WDPCP: variants seen among roughly 807,000 people sequenced by gnomAD.
WDPCP encodes the protein WD repeat-containing and planar cell polarity effector protein fritz homolog.
In WDPCP, 71 loss-of-function variants were observed where a neutral mutation model predicts 93.1. The observed-to-expected ratio is 0.76, with a 90% confidence interval of 0.63 to 0.93. The LOEUF is 0.93. Among genes scored for constraint, WDPCP ranks in the 40% least tolerant of loss-of-function variants. The pLI, the probability that WDPCP is intolerant of heterozygous loss-of-function variation, is 0.00. For missense variants in WDPCP, 844 were observed against 887.4 expected (o/e 0.95, Z 0.62); for synonymous variants, 315 against 315.0 (o/e 1.00, Z 0.00).
rs372858664 is a variant in WDPCP at position 63,311,193 on chromosome 2, T to C, written c.1812+2055A>G. Among the ~76,000 whole-genome samples the C allele has an allele frequency of 7.2e-5, 11 of 152,334 alleles. No individual in the cohort carries two copies. In the East Asian group the frequency reaches 1.9e-3, roughly 27 times the overall value. On this transcript the variant is annotated intron_variant, in intron 13 of 17. Coordinates refer to ENST00000272321, the MANE Select transcript of WDPCP (RefSeq NM_015910.7). ...TGATCCCATTGTGATTCATATGTTA[T>C]TATTTTTAGTCTTTTAGCAAGAGAT...
intron 1 of WDPCP, among the ~76,000 whole-genome samples, chr2:63,545,285 T>C (rs185556416): frequency 2.0e-5 from 3 of 148,204 alleles, no homozygotes; most frequent in Admixed American, 2.0e-4. Context: ...AGTGTGTGAG[T>C]AGAATGTGTG....
the WDPCP span, among the ~76,000 whole-genome samples, chr2:63,836,482 C>T: frequency 6.6e-6 from 1 of 152,200 alleles, no homozygotes; most frequent in African/African-American, 2.4e-5. Context: ...TATATCACTA[C>T]AGTAAATCAA....
the WDPCP span, among the ~76,000 whole-genome samples, chr2:63,833,486 G>A: frequency 6.6e-6 from 1 of 152,056 alleles, no homozygotes; most frequent in African/African-American, 2.4e-5. Flanking sequence ...ACCAATATGC[G>A]AAAACAGAAA....
intron 3 of WDPCP, among the ~76,000 whole-genome samples, chr2:63,623,912 A>G (rs924781717): frequency 1.3e-5 from 2 of 152,240 alleles, no homozygotes; most frequent in Non-Finnish European, 2.9e-5. Context: ...CACTTATTCT[A>G]AAACTGACCA....
chr2:63,202,979 G>A (rs1158379169), intron 14 of WDPCP, among the ~76,000 whole-genome samples: 7 of 151,842 alleles, frequency 4.6e-5, no homozygotes, highest in Admixed American at 2.0e-4. Context: ...TCTTTATATC[G>A]GGCCTCAAAT....
intron 1 of WDPCP, among the ~76,000 whole-genome samples, chr2:63,574,632 C>T (rs1707785760): frequency 6.6e-6 from 1 of 152,172 alleles, no homozygotes. Context: ...GAATCAATTA[C>T]TCTACTGAAG....
intron 2 of WDPCP, among the ~76,000 whole-genome samples, chr2:63,768,733 A>G (rs1187389813): frequency 2.0e-5 from 3 of 152,096 alleles, no homozygotes; most frequent in Non-Finnish European, 4.4e-5. Context: ...GGAAATAGTG[A>G]CACTGAGCTT....
At chr2:63,140,465 G>C (rs1197376128) in intron 17 of WDPCP, among the ~76,000 whole-genome samples, 1 of 151,624 alleles carries the variant, frequency 6.6e-6, no homozygotes, top group Non-Finnish European at 1.5e-5. Context: ...GTTTCCGTTT[G>C]TTTGCGTCAT....
intron 1 of WDPCP, among the ~76,000 whole-genome samples, chr2:63,512,760 G>A (rs1330154952): frequency 1.3e-5 from 2 of 152,064 alleles, no homozygotes; most frequent in African/African-American, 2.4e-5. Flanking sequence ...GGGGCAAGGG[G>A]AGGGATAGCA....
At chr2:63,177,788 C>A (rs1477458245) in intron 14 of WDPCP, among the ~76,000 whole-genome samples, 1 of 152,036 alleles carries the variant, frequency 6.6e-6, no homozygotes, top group African/African-American at 2.4e-5. Flanking sequence ...GCATCTTTGT[C>A]TTGTTCCTGA....
chr2:63,711,304 A>T (rs976991578), intron 2 of WDPCP, among the ~76,000 whole-genome samples: 7 of 152,230 alleles, frequency 4.6e-5, no homozygotes, highest in Non-Finnish European at 8.8e-5. Flanking sequence ...ATAAGGTAGT[A>T]CCAGTAAAGT....
At chr2:63,558,346 A>C in intron 1 of WDPCP, among the ~76,000 whole-genome samples, 1 of 151,908 alleles carries the variant, frequency 6.6e-6, no homozygotes. Context: ...TGGCCAACAC[A>C]GGGAAACCCC....
At chr2:63,389,763 A>G (rs2104998655) in intron 10 of WDPCP, among the ~76,000 whole-genome samples, 1 of 152,336 alleles carries the variant, frequency 6.6e-6, no homozygotes, top group Non-Finnish European at 1.5e-5. Context: ...CTGATAAAAT[A>G]GACTTTAAAC....
At chr2:63,626,444 C>A (rs185511107) in intron 3 of WDPCP, among the ~76,000 whole-genome samples, 2 of 152,236 alleles carry the variant, frequency 1.3e-5, no homozygotes, top group East Asian at 3.9e-4. Flanking sequence ...ATCTATCTGA[C>A]AGAGGGATAA....
At chr2:63,396,344 AAGAG>A (rs1693724210) in intron 10 of WDPCP, among the ~76,000 whole-genome samples, 1 of 152,220 alleles carries the variant, frequency 6.6e-6, no homozygotes, top group Non-Finnish European at 1.5e-5. Flanking sequence ...GTTTTTTAGA[AAGAG>A]AGACAGACAG....
intron 13 of WDPCP, among the ~76,000 whole-genome samples, chr2:63,287,819 T>C (rs936085269): frequency 2.6e-5 from 4 of 152,202 alleles, no homozygotes; most frequent in African/African-American, 4.8e-5. Flanking sequence ...AGAGTTCCAA[T>C]TGGGAGAATT....
chr2:63,723,051 C>T (rs925879837), intron 2 of WDPCP, among the ~76,000 whole-genome samples: 2 of 152,192 alleles, frequency 1.3e-5, no homozygotes, highest in African/African-American at 4.8e-5. Context: ...AAGGGCGGTG[C>T]AAGATGTGCT....
chr2:63,835,681 G>A, the WDPCP span, among the ~76,000 whole-genome samples: 3 of 151,596 alleles, frequency 2.0e-5, no homozygotes, highest in Admixed American at 6.6e-5. Flanking sequence ...CTTAACATTA[G>A]TATTTCATAT....
intron 17 of WDPCP, among the ~76,000 whole-genome samples, chr2:63,147,755 G>A (rs769563122): frequency 1.4e-4 from 22 of 152,034 alleles, no homozygotes; most frequent in Non-Finnish European, 1.0e-4. Context: ...GATCACTTGA[G>A]CTCAGTAGTT....
Sources: allele counts gnomAD v4.1 joint callset (sites outside exome capture counted in the v4.1 genomes callset), GRCh38; gene constraint gnomAD v4.1.1; transcripts MANE v1.5; gene names NCBI Gene and HGNC (gene_info 2026-07-23, HGNC 2026-07-21).